DCC: variants seen among roughly 807,000 people sequenced by gnomAD.
DCC encodes netrin receptor DCC.
DCC carries 58 observed loss-of-function variants against 172.5 expected under a neutral mutation model. The observed-to-expected ratio is 0.34, with a 90% confidence interval of 0.27 to 0.42. DCC has a LOEUF of 0.42. Among genes scored for constraint, DCC ranks in the 10% least tolerant of loss-of-function variants. DCC has a pLI of 1.00. For missense variants in DCC, 1,740 were observed against 1,791.0 expected (o/e 0.97, Z 0.51); for synonymous variants, 709 against 644.5 (o/e 1.10, Z -1.52).
At chr18:53,226,948 A>ATATATATATATATATATATATTTTTTT in intron 12 of DCC, among the ~76,000 whole-genome samples, 1 of 52,952 alleles carries the variant, frequency 1.9e-5, no homozygotes, top group African/African-American at 9.4e-5. Flanking sequence ...ATATATATAT[A>ATATATATATATATATATATATTTTTTT]TTTTTTTTTT....
chr18:52,465,962 T>C (rs1393047914), intron 1 of DCC, among the ~76,000 whole-genome samples: 2 of 152,238 alleles, frequency 1.3e-5, no homozygotes, highest in African/African-American at 4.8e-5. Flanking sequence ...TTATAAATGA[T>C]AAAATGTGCT....
chr18:53,188,805 C>T (rs1233149761), intron 9 of DCC, among the ~76,000 whole-genome samples: 18 of 152,142 alleles, frequency 1.2e-4, no homozygotes, highest in Non-Finnish European at 1.5e-5. Context: ...CTGGTGGCTT[C>T]TGGCAATCCT....
At chr18:52,790,705 T>G (rs570638137) in intron 2 of DCC, among the ~76,000 whole-genome samples, 11 of 152,308 alleles carry the variant, frequency 7.2e-5, no homozygotes, top group Non-Finnish European at 1.6e-4. Context: ...TTTCTTCACC[T>G]TCCCGATTTT....
At chr18:52,590,002 T>A (rs1167636531) in intron 1 of DCC, among the ~76,000 whole-genome samples, 6 of 152,258 alleles carry the variant, frequency 3.9e-5, no homozygotes, top group African/African-American at 1.4e-4. Context: ...TATGCTTTTT[T>A]TTAAAAAAAG....
chr18:52,542,277 A>T (rs1279945905), intron 1 of DCC, among the ~76,000 whole-genome samples: 1 of 152,058 alleles, frequency 6.6e-6, no homozygotes, highest in Non-Finnish European at 1.5e-5. Context: ...AAAAAAAATA[A>T]ATGAGTGTAA....
chr18:53,267,102 T>A (rs868821695), intron 12 of DCC, among the ~76,000 whole-genome samples: 57 of 136,394 alleles, frequency 4.2e-4, no homozygotes, highest in African/African-American at 1.5e-3. Context: ...ACACACACAC[T>A]CTCTCTCTCA....
chr18:52,599,493 A>C (rs377449471), intron 1 of DCC, among the ~76,000 whole-genome samples: 7 of 151,868 alleles, frequency 4.6e-5, no homozygotes, highest in African/African-American at 1.7e-4. Flanking sequence ...ATGTCAAGTA[A>C]TATTATTCCT....
rs151194121 is a variant in DCC, at chr18:52,418,753, A to G, written c.91+77875A>G. ...GCTGGCGCATGTCATAAGCTCCAAT[A>G]CAAAATATCCTAGGATGACGACAAT... is the stretch of plus-strand genomic sequence containing the variant. On this transcript the variant is annotated intron_variant, in intron 1 of 28. Coordinates refer to ENST00000442544, the MANE Select transcript of DCC (RefSeq NM_005215.4). 7.5e-3 allele frequency among the ~76,000 whole-genome samples: 1,141 copies of G among 152,260 alleles called. 7 individuals carry two copies. Among genetic ancestry groups the G allele is most frequent in the Middle Eastern group, 0.034 (10 of 294 alleles).
At chr18:52,998,942 G>A (rs1432447138) in intron 5 of DCC, among the ~76,000 whole-genome samples, 1 of 151,996 alleles carries the variant, frequency 6.6e-6, no homozygotes, top group Admixed American at 6.6e-5. Flanking sequence ...AGAAAACAAT[G>A]TCATATCAGA....
Position 52,870,131 on chromosome 18 carries a change from G to T in DCC, c.413-35913G>T, listed in dbSNP as rs2039296083. Among the ~76,000 whole-genome samples the T allele has an allele frequency of 2.0e-5, 3 of 152,270 alleles. No individual in the cohort carries two copies. In the South Asian group the frequency reaches 6.2e-4, roughly 32 times the overall value. On this transcript the variant is annotated intron_variant, in intron 2 of 28. Coordinates refer to ENST00000442544, the MANE Select transcript of DCC (RefSeq NM_005215.4). ...GCTCTCGGGGGTGGGGCTCCCACTG[G>T]CTCCGGGGAGTGCTGCACGAGCTGC...
chr18:52,505,566 GATT>G (rs1324243737), intron 1 of DCC, among the ~76,000 whole-genome samples: 4 of 152,080 alleles, frequency 2.6e-5, no homozygotes, highest in African/African-American at 7.2e-5. Context: ...GAGGAATTTA[GATT>G]ATTTAATCAC....
chr18:52,387,234 C>T (rs1985835899), intron 1 of DCC, among the ~76,000 whole-genome samples: 1 of 152,076 alleles, frequency 6.6e-6, no homozygotes, highest in African/African-American at 2.4e-5. Flanking sequence ...ATGGCTCTGC[C>T]CTCCAGCAGC....
chr18:53,109,731 C>G (rs1226071124), intron 7 of DCC, among the ~76,000 whole-genome samples: 1 of 151,524 alleles, frequency 6.6e-6, no homozygotes, highest in Non-Finnish European at 1.5e-5. Flanking sequence ...GAAAACACTG[C>G]TGATATCTAG....
chr18:53,160,902 A>T (rs772801363), intron 8 of DCC, among the ~76,000 whole-genome samples: 4 of 152,148 alleles, frequency 2.6e-5, no homozygotes, highest in Non-Finnish European at 5.9e-5. Context: ...TTTCCATAAA[A>T]CAACTGCCTG....
intron 5 of DCC, among the ~76,000 whole-genome samples, chr18:53,050,635 AC>A (rs1158891100): frequency 2.0e-5 from 3 of 151,982 alleles, no homozygotes; most frequent in Non-Finnish European, 4.4e-5. Context: ...GTATCTTGAA[AC>A]TTTGCTGAAG....
At chr18:52,418,202 A>G (rs1987112623) in intron 1 of DCC, among the ~76,000 whole-genome samples, 2 of 152,230 alleles carry the variant, frequency 1.3e-5, no homozygotes, top group African/African-American at 4.8e-5. Context: ...AAGGTTAAGG[A>G]AAAAGAGAAA....
intron 12 of DCC, among the ~76,000 whole-genome samples, chr18:53,221,220 G>A (rs1299665019): frequency 6.6e-6 from 1 of 151,720 alleles, no homozygotes; most frequent in Non-Finnish European, 1.5e-5. Flanking sequence ...GTTTAAATGT[G>A]GTAAGTACAT....
intron 27 of DCC, among the ~76,000 whole-genome samples, chr18:53,519,733 G>T (rs2144587335): frequency 6.6e-6 from 1 of 151,348 alleles, no homozygotes; most frequent in South Asian, 2.1e-4. Flanking sequence ...TAGGCCAATT[G>T]TCAGTGTTAA....
intron 13 of DCC, among the ~76,000 whole-genome samples, chr18:53,311,531 C>T (rs2057268921): frequency 6.6e-6 from 1 of 152,182 alleles, no homozygotes; most frequent in Admixed American, 6.5e-5. Context: ...TGTCTAACTC[C>T]TCATTATGTG....
Sources: gnomAD v4.1 joint callset for allele counts (sites outside exome capture counted in the v4.1 genomes callset) on GRCh38, gnomAD v4.1.1 for gene constraint, MANE v1.5 for transcripts, NCBI Gene and HGNC (gene_info 2026-07-23, HGNC 2026-07-21) for gene names.